The following CUBN variants were observed in gnomAD, a reference collection of about 807,000 sequenced individuals.
CUBN encodes the protein 460 kDa receptor.
In CUBN, 282 loss-of-function variants were observed where a neutral mutation model predicts 405.3. The ratio of observed to expected loss-of-function variants is 0.70; its 90% CI spans 0.63 to 0.77. CUBN has a LOEUF of 0.77. Ranked by LOEUF, CUBN falls within the 30% of genes least tolerant of loss-of-function variation. The pLI is 0.00. For missense variants in CUBN, 4,514 were observed against 4,475.2 expected (o/e 1.01, Z -0.25); for synonymous variants, 1,684 against 1,617.0 (o/e 1.04, Z -0.99).
At chr10:16,834,875 G>T (rs1839121394) in intron 64 of CUBN, 139 bp downstream of exon 64, 1 of 978,274 alleles carries the variant, frequency 1.0e-6, no homozygotes. Flanking sequence ...GATGTTTAGG[G>T]AATGAAAGGG....
rs1163381601 is a variant in CUBN at position 16,877,096 on chromosome 10, A to T, written c.8907T>A (p.Ala2969=). 2 of 1,612,866 alleles carry T rather than the reference A, an allele frequency of 1.2e-6. No homozygotes were observed. The highest frequency in any genetic ancestry group is 1.7e-6 in the Non-Finnish European group (2 of 1,179,472). The part of the protein sequence containing the change: ...LLTFVSFHLE[A]RSAVTGSCVN... ...CACAGCTTCCCGTCACAGCGGAACGAGCTGGAAAAGGCATGGAACAACCGC... is the reference window on the plus strand; with the variant it reads ...CACAGCTTCCCGTCACAGCGGAACGTGCTGGAAAAGGCATGGAACAACCGC... The change falls in exon 57 of 67, where the codon GCT becomes GCA. Residue 2969 remains alanine, a splice_region_variant and synonymous_variant. Transcript: ENST00000377833.
chr10:16,843,483 T>C (rs922050366), intron 60 of CUBN, among the ~76,000 whole-genome samples: 14 of 152,210 alleles, frequency 9.2e-5, no homozygotes, highest in African/African-American at 3.4e-4. Flanking sequence ...CTTTCCAACT[T>C]AAACATGATT....
chr10:16,901,531 G>A, intron 51 of CUBN, 72 bp from the exon 52 acceptor site: 2 of 1,577,468 alleles, frequency 1.3e-6, no homozygotes, highest in Non-Finnish European at 8.7e-7. Context: ...AAAGTAAGTA[G>A]TAATCATAAC....
At position 16,937,742 on chromosome 10, in the gene CUBN, A is replaced by C. The variant is rs772024590; in HGVS notation, c.5776T>G (p.Tyr1926Asp). Reference sequence around the variant, plus strand: ...AAAGATTCAGTCTGGGTACCACAGTAAGCTCCAATTAGGCGGGCGTGAATG... The same window carrying C: ...AAAGATTCAGTCTGGGTACCACAGTCAGCTCCAATTAGGCGGGCGTGAATG... Reference protein sequence around the residue: ...PSIHARLIGAYCGTQTESFSS... With the variant: ...PSIHARLIGADCGTQTESFSS... The change falls in exon 39 of 67, where the codon TAC becomes GAC. Residue 1926 changes from tyrosine (Y) to aspartate (D), a missense_variant. Physicochemically the swap from Tyr to Asp is radical, Grantham distance 160 (BLOSUM62 -3). Around this residue, in one of 5 missense-constraint regions of CUBN, gnomAD observed 1,613 missense variants for 1,542.8 expected, o/e 1.05. Transcript: ENST00000377833. 3 of 1,614,144 alleles carry C rather than the reference A, an allele frequency of 1.9e-6. No homozygotes were observed. The highest frequency in any genetic ancestry group is 2.5e-6 in the Non-Finnish European group (3 of 1,179,998).
intron 27 of CUBN, among the ~76,000 whole-genome samples, chr10:17,027,889 A>G (rs961976147): frequency 6.6e-6 from 1 of 152,216 alleles, no homozygotes; most frequent in African/African-American, 2.4e-5. Flanking sequence ...AATTATTTAC[A>G]AAAAATTATT....
chr10:16,987,995 G>A (rs542487244), intron 29 of CUBN, among the ~76,000 whole-genome samples: 26 of 152,276 alleles, frequency 1.7e-4, no homozygotes, highest in African/African-American at 5.1e-4. Flanking sequence ...CAGACTGTGC[G>A]TCTTCTCACA....
intron 60 of CUBN, among the ~76,000 whole-genome samples, chr10:16,850,179 C>G (rs976188445): frequency 6.6e-6 from 1 of 152,208 alleles, no homozygotes; most frequent in East Asian, 1.9e-4. Context: ...TAAGCTTGCA[C>G]ATTGCTTCAA....
chr10:17,125,848 C>A (rs891929846), intron 4 of CUBN, among the ~76,000 whole-genome samples: 1 of 152,300 alleles, frequency 6.6e-6, no homozygotes, highest in East Asian at 1.9e-4. Context: ...TACTCATTTT[C>A]TTTCGCTTAA....
chr10:16,885,489 A>G (rs1840786852), intron 56 of CUBN, among the ~76,000 whole-genome samples: 1 of 152,188 alleles, frequency 6.6e-6, no homozygotes, highest in Non-Finnish European at 1.5e-5. Flanking sequence ...AAAGTGCTAT[A>G]TATATATAAG....
chr10:16,919,779 C>T (rs779317391), intron 44 of CUBN, among the ~76,000 whole-genome samples, 184 bp downstream of exon 44: 1 of 152,170 alleles, frequency 6.6e-6, no homozygotes, highest in Non-Finnish European at 1.5e-5. Context: ...ACGTACATAA[C>T]CGGCTCAGCT....
intron 60 of CUBN, among the ~76,000 whole-genome samples, chr10:16,843,373 A>T (rs11254241): frequency 0.04 from 6,104 of 152,324 alleles, 180 homozygotes; most frequent in Non-Finnish European, 0.063. Context: ...CATGACCATG[A>T]CCACTGACAT....
intron 59 of CUBN, among the ~76,000 whole-genome samples, chr10:16,868,927 A>C (rs1327366455): frequency 6.6e-6 from 1 of 152,170 alleles, no homozygotes; most frequent in Non-Finnish European, 1.5e-5. Flanking sequence ...CATCCAACAA[A>C]TTACCTATAG....
chr10:16,853,746 T>A (rs1839787020), intron 59 of CUBN, among the ~76,000 whole-genome samples: 1 of 152,184 alleles, frequency 6.6e-6, no homozygotes, highest in Admixed American at 6.5e-5. Context: ...TAATCTGAAA[T>A]GGGCCTGCAA....
intron 26 of CUBN, among the ~76,000 whole-genome samples, chr10:17,042,565 C>T (rs535846505): frequency 1.3e-5 from 2 of 152,202 alleles, no homozygotes; most frequent in Admixed American, 1.3e-4. Flanking sequence ...CTTAAACAAT[C>T]TGATTATAAC....
chr10:16,858,589 C>T (rs538211848), intron 59 of CUBN, among the ~76,000 whole-genome samples: 14 of 152,236 alleles, frequency 9.2e-5, no homozygotes, highest in African/African-American at 2.9e-4. Flanking sequence ...CCCAAAGCTC[C>T]GGGATTACAG....
intron 59 of CUBN, among the ~76,000 whole-genome samples, chr10:16,862,462 T>C (rs1840048797): frequency 6.6e-6 from 1 of 152,120 alleles, no homozygotes; most frequent in Non-Finnish European, 1.5e-5. Context: ...AGGGCACAGG[T>C]TCAGGGACAA....
At chr10:16,992,165 C>T (rs1339584353) in intron 28 of CUBN, among the ~76,000 whole-genome samples, 2 of 152,058 alleles carry the variant, frequency 1.3e-5, no homozygotes, top group Admixed American at 6.6e-5. Flanking sequence ...ACCACATGTT[C>T]TCACTCATAG....
At position 16,900,852 on chromosome 10, in the gene CUBN, T is replaced by A. The variant is rs145694490; in HGVS notation, c.8185-2A>T. 1 of 1,606,554 alleles carries A rather than the reference T, an allele frequency of 6.2e-7. No homozygotes were observed. Among genetic ancestry groups the A allele is most frequent in the African/African-American group, 1.3e-5 (1 of 74,902 alleles). On this transcript the variant is annotated splice_acceptor_variant, in intron 52 of 66. Transcript: ENST00000377833. LOFTEE classifies it high-confidence loss of function. ...AATATCAAAGTCACTAAATGTGAGC[T>A]GCAGGAGAAAAAAGAAAATGGTTGT...
chr10:16,927,301 T>G (rs1377631406), intron 41 of CUBN, among the ~76,000 whole-genome samples: 2 of 151,964 alleles, frequency 1.3e-5, no homozygotes, highest in African/African-American at 2.4e-5. Flanking sequence ...GACCAGAAGC[T>G]CATCAGTAAG....
Sources: allele counts gnomAD v4.1 joint callset (sites outside exome capture counted in the v4.1 genomes callset), GRCh38; gene constraint gnomAD v4.1.1; regional missense constraint gnomAD v4.1.1; transcripts MANE v1.5; gene names NCBI Gene and HGNC (gene_info 2026-07-23, HGNC 2026-07-21).